SEC24A: variants seen among roughly 807,000 people sequenced by gnomAD.
The protein encoded by SEC24A is protein transport protein Sec24A.
Under a neutral mutation model 129.4 loss-of-function variants are expected in SEC24A, and 93 were observed. The observed-to-expected ratio is 0.72, with a 90% CI of 0.61 to 0.85. The LOEUF is 0.85. Ranked by LOEUF, SEC24A falls within the 40% of genes least tolerant of loss-of-function variation. SEC24A has a pLI of 0.00. For missense variants in SEC24A, 1,264 were observed against 1,307.4 expected (o/e 0.97, Z 0.51); for synonymous variants, 460 against 467.3 (o/e 0.98, Z 0.20).
At chr5:134,685,960 G>T (rs1751436301) in intron 9 of SEC24A, among the ~76,000 whole-genome samples, 1 of 151,932 alleles carries the variant, frequency 6.6e-6, no homozygotes, top group Non-Finnish European at 1.5e-5. Flanking sequence ...CTGCTCTCCA[G>T]CATGGGGGAC....
Position 134,671,825 on chromosome 5 carries a change from C to A in SEC24A, c.756C>A (p.Thr252=), listed in dbSNP as rs1373283832. 1 of 1,600,050 alleles carries A rather than the reference C, an allele frequency of 6.2e-7. No homozygotes were observed. The highest frequency in any genetic ancestry group is 1.7e-5 in the Admixed American group (1 of 58,302). Residue 252 remains threonine, a synonymous_variant, in exon 4 of 23, where the codon ACC becomes ACA. Transcript: ENST00000398844. Reference sequence around the variant, plus strand: ...CCTTCTTAGGTATTACATCAAATACCAATAACGGATCTATGGTGGTCCACA... The same window carrying A: ...CCTTCTTAGGTATTACATCAAATACAAATAACGGATCTATGGTGGTCCACA... ...AVNQEGITSN[T]NNGSMVVHSS... is the part of the protein sequence containing the mutation.
At position 134,648,975 on chromosome 5, in the gene SEC24A, C is replaced by A; in HGVS notation, c.-102C>A. ...CCCCCCTCTTCTCCCAGTCTTCAGT[C>A]TTAAGTCGTTAGCCTCCTCCCTCCG... is the stretch of plus-strand genomic sequence containing the variant. On this transcript the variant is annotated 5_prime_UTR_variant, in exon 1 of 23. Transcript: ENST00000398844. The A allele has an allele frequency of 1.2e-6, 1 of 812,700 alleles. No homozygotes were observed. The highest frequency in any genetic ancestry group is 2.0e-6 in the Non-Finnish European group (1 of 500,186). 50.3% of individuals were successfully genotyped at this position (812,700 alleles called of 1,614,324 possible).
At chr5:134,709,767 AAT>A (rs961578205) in intron 18 of SEC24A, among the ~76,000 whole-genome samples, 1 of 152,188 alleles carries the variant, frequency 6.6e-6, no homozygotes, top group African/African-American at 2.4e-5. Flanking sequence ...ATACCTCATA[AAT>A]ATATATAATT....
At chr5:134,667,624 A>G (rs1368551013) in intron 3 of SEC24A, among the ~76,000 whole-genome samples, 4 of 148,162 alleles carry the variant, frequency 2.7e-5, no homozygotes, top group African/African-American at 1.0e-4. Flanking sequence ...ACTGCACTCC[A>G]GCCTGGGCGA....
At chr5:134,701,275 GT>G (rs1561825938) in intron 15 of SEC24A, 1 of 152,222 alleles carries the variant, frequency 6.6e-6, no homozygotes, top group Non-Finnish European at 1.5e-5. Flanking sequence ...GTCGAAGTGA[GT>G]ACCTAATAGT....
At chr5:134,650,855 ACCT>A (rs1412595620) in intron 1 of SEC24A, among the ~76,000 whole-genome samples, 1 of 150,764 alleles carries the variant, frequency 6.6e-6, no homozygotes, top group African/African-American at 2.4e-5. Flanking sequence ...GCTCACTGCA[ACCT>A]CCTCCTCCCA....
rs144809050 is a variant in SEC24A, at chr5:134,705,300, A to C, written c.2441-27A>C. ...CTTTTGTTTTATATAGTTGCCCCTC[A>C]CTGTTGTTTGTGTATTTTCCCCAAA... On this transcript the variant is annotated intron_variant, in intron 16 of 22. Transcript: ENST00000398844. 7.8e-6 allele frequency: 12 copies of C among 1,533,122 alleles called. No homozygotes were observed. In the African/African-American group the frequency reaches 8.2e-5, roughly 10 times the overall value. The allele number at this position is 1,533,122 out of a possible 1,614,324, so 95.0% of individuals were successfully genotyped here.
chr5:134,721,871 CA>C (rs1752637572), intron 21 of SEC24A, among the ~76,000 whole-genome samples: 1 of 151,976 alleles, frequency 6.6e-6, no homozygotes, highest in Non-Finnish European at 1.5e-5. Context: ...GAACCTGTCT[CA>C]AAAAATAAAT....
At chr5:134,697,519 G>T (rs942994697) in intron 14 of SEC24A, among the ~76,000 whole-genome samples, 2 of 152,130 alleles carry the variant, frequency 1.3e-5, no homozygotes, top group African/African-American at 4.8e-5. Flanking sequence ...CAGGAGGATT[G>T]CTTGAGCCCA....
At chr5:134,684,317 A>G (rs999448520) in intron 9 of SEC24A, among the ~76,000 whole-genome samples, 31 of 151,710 alleles carry the variant, frequency 2.0e-4, no homozygotes, top group Admixed American at 2.0e-3. Context: ...AAAAAAAAAA[A>G]AAATTAATAT....
intron 1 of SEC24A, among the ~76,000 whole-genome samples, chr5:134,659,847 C>T (rs1348374884): frequency 6.6e-6 from 1 of 151,866 alleles, no homozygotes; most frequent in East Asian, 1.9e-4. Context: ...GAGACGAGGT[C>T]TTACTATTAT....
intron 14 of SEC24A, among the ~76,000 whole-genome samples, chr5:134,697,654 G>C (rs771828977): frequency 1.3e-5 from 2 of 152,150 alleles, no homozygotes; most frequent in Admixed American, 6.6e-5. Context: ...TGCCTGGAAG[G>C]CTGAGGTGGG....
At position 134,723,586 on chromosome 5, in the gene SEC24A, A is replaced by G. The variant is rs1173481935; in HGVS notation, c.3083A>G (p.Asp1028Gly). The G allele has an allele frequency of 3.2e-5, 51 of 1,612,324 alleles. No homozygotes were observed. Among genetic ancestry groups the G allele is most frequent in the Non-Finnish European group, 4.3e-5 (51 of 1,178,602 alleles). ...PQPMTDLPELDTPESARIIAF... is the reference protein window; with the variant it reads ...PQPMTDLPELGTPESARIIAF... ...TAACAGACAGACCTTCCAGAACTTG[A>G]TACACCAGAATCTGCCAGAATAATA... Residue 1028 changes from aspartate (D) to glycine (G), a missense_variant, in exon 22 of 23, where the codon GAT (aspartate) becomes GGT (glycine). Transcript: ENST00000398844.
At chr5:134,667,390 C>G (rs1219397993) in intron 3 of SEC24A, among the ~76,000 whole-genome samples, 3 of 152,008 alleles carry the variant, frequency 2.0e-5, no homozygotes, top group African/African-American at 4.8e-5. Context: ...GTGGCTCACA[C>G]CTGTAATCCC....
At chr5:134,665,370 G>A (rs969777373) in intron 2 of SEC24A, among the ~76,000 whole-genome samples, 39 of 149,856 alleles carry the variant, frequency 2.6e-4, no homozygotes, top group South Asian at 8.5e-4. Context: ...CAGGAGAATC[G>A]CTTGAACCCA....
chr5:134,671,780 A>G (rs557135320), intron 3 of SEC24A, 29 bp from the exon 4 acceptor site: 14 of 1,350,786 alleles, frequency 1.0e-5, no homozygotes, highest in African/African-American at 1.0e-4. Flanking sequence ...CATTCTAATT[A>G]AAATCTTGTT....
intron 7 of SEC24A, among the ~76,000 whole-genome samples, chr5:134,677,548 A>T (rs564018005): frequency 1.1e-3 from 171 of 151,494 alleles, no homozygotes; most frequent in African/African-American, 3.8e-3. Context: ...TTAAAAAAAA[A>T]AAATAAAGGC....
At chr5:134,666,413 C>T (rs1165170233) in intron 2 of SEC24A, among the ~76,000 whole-genome samples, 4 of 152,080 alleles carry the variant, frequency 2.6e-5, no homozygotes, top group South Asian at 2.1e-4. Context: ...AAAAATTCAC[C>T]GGGCATGGTT....
At position 134,715,051 on chromosome 5, in the gene SEC24A, C is replaced by T. The variant is rs367550388; in HGVS notation, c.2755C>T (p.Arg919Cys). ...QKSFQTGTNARLDERIFAMCQ... is the reference protein window; with the variant it reads ...QKSFQTGTNACLDERIFAMCQ... Reference sequence around the variant, plus strand: ...ATCATTCCAGACTGGGACAAATGCACGTCTAGATGAACGCATTTTTGCTAT... The same window carrying T: ...ATCATTCCAGACTGGGACAAATGCATGTCTAGATGAACGCATTTTTGCTAT... Residue 919 changes from arginine to cysteine, a missense_variant, in exon 19 of 23, where the codon CGT (arginine) becomes TGT (cysteine). Arg to Cys is a radical substitution (Grantham distance 180, BLOSUM62 -3). Transcript: ENST00000398844. 86 of 1,612,718 alleles carry T rather than the reference C, an allele frequency of 5.3e-5. No individual in the cohort carries two copies. Among genetic ancestry groups the T allele is most frequent in the Middle Eastern group, 1.6e-4 (1 of 6,080 alleles).
Sources: gnomAD v4.1 joint callset for allele counts (sites outside exome capture counted in the v4.1 genomes callset) on GRCh38, gnomAD v4.1.1 for gene constraint, MANE v1.5 for transcripts, NCBI Gene and HGNC (gene_info 2026-07-23, HGNC 2026-07-21) for gene names.